Variants in TNFRSF21 observed in about 807,000 individuals in gnomAD.
TNFRSF21 encodes the protein tumor necrosis factor receptor superfamily member 21.
A neutral mutation model predicts 45.6 loss-of-function variants in TNFRSF21; 19 were observed. That is an observed-to-expected ratio of 0.42 (90% CI 0.29 to 0.61). The LOEUF is 0.61. Among genes scored for constraint, TNFRSF21 ranks in the 20% least tolerant of loss-of-function variants. The pLI, the probability that TNFRSF21 is intolerant of heterozygous loss-of-function variation, is 0.23. For missense variants in TNFRSF21, 737 were observed against 851.5 expected (o/e 0.87, Z 1.67); for synonymous variants, 314 against 335.5 (o/e 0.94, Z 0.70).
chr6:47,267,084 T>C (rs560706789), intron 3 of TNFRSF21, among the ~76,000 whole-genome samples: 191 of 95,588 alleles, frequency 2.0e-3, no homozygotes, highest in African/African-American at 4.8e-3. Flanking sequence ...AGTCTGATTT[T>C]CTTTTTTCTT....
intron 4 of TNFRSF21, among the ~76,000 whole-genome samples, chr6:47,244,166 CA>C (rs561992664): frequency 2.6e-5 from 4 of 151,404 alleles, no homozygotes; most frequent in African/African-American, 9.7e-5. Flanking sequence ...CTAAAAAATA[CA>C]AAAAAAATTA....
At chr6:47,238,358 T>C (rs1333829463) in intron 4 of TNFRSF21, among the ~76,000 whole-genome samples, 1 of 152,264 alleles carries the variant, frequency 6.6e-6, no homozygotes, top group Admixed American at 6.5e-5. Flanking sequence ...TATCTGTCAC[T>C]TATTTGAAGC....
intron 3 of TNFRSF21, among the ~76,000 whole-genome samples, chr6:47,267,237 T>A (rs1475757681): frequency 6.6e-6 from 1 of 151,982 alleles, no homozygotes; most frequent in Non-Finnish European, 1.5e-5. Flanking sequence ...TAGCTGGGAC[T>A]ACAGGCACGC....
intron 4 of TNFRSF21, among the ~76,000 whole-genome samples, chr6:47,244,138 G>A (rs899004250): frequency 1.4e-4 from 22 of 152,012 alleles, no homozygotes; most frequent in African/African-American, 3.4e-4. Context: ...TGGCTAACAC[G>A]GTGAAACCCC....
In TNFRSF21 at chr6:47,269,546, C is replaced by T. The variant is rs150272238; in HGVS notation, c.1243+14392G>A. 2.0e-5 allele frequency among the ~76,000 whole-genome samples: 3 copies of T among 152,310 alleles called. No individual in the cohort carries two copies. The East Asian group carries it at 5.8e-4, about 29-fold the overall frequency. The stretch of plus-strand genomic sequence containing the variant: ...CTTCCCTCATTTCAGAATAGGATAG[C>T]ATGTTTACTTCATATAATGTATTTC... On this transcript the variant is annotated intron_variant, in intron 3 of 5. Coordinates refer to ENST00000296861, the MANE Select transcript of TNFRSF21 (RefSeq NM_014452.5).
Position 47,253,432 on chromosome 6 carries a change from C to T in TNFRSF21, c.1333G>A (p.Val445Ile), listed in dbSNP as rs1764933654. The T allele has an allele frequency of 1.2e-6, 2 of 1,614,068 alleles. No homozygotes were observed. Among genetic ancestry groups the T allele is most frequent in the Non-Finnish European group, 1.7e-6 (2 of 1,180,050 alleles). ...QFLCNASERE[V>I]AAFSNGYTAD... Reference sequence around the variant, plus strand: ...GTGTACCCATTGGAGAAAGCAGCAACCTCCCTCTCACTGGCATTGCAAAGA... The same window carrying T: ...GTGTACCCATTGGAGAAAGCAGCAATCTCCCTCTCACTGGCATTGCAAAGA... Residue 445 changes from valine to isoleucine, a missense_variant, in exon 4 of 6, where the codon GTT (valine) becomes ATT (isoleucine). By Grantham distance (29) the Val-to-Ile change is conservative (BLOSUM62 3). Coordinates refer to ENST00000296861, the MANE Select transcript of TNFRSF21 (RefSeq NM_014452.5).
intron 4 of TNFRSF21, among the ~76,000 whole-genome samples, chr6:47,239,151 TG>T (rs1764707920): frequency 6.6e-6 from 1 of 152,092 alleles, no homozygotes; most frequent in Non-Finnish European, 1.5e-5. Context: ...CCGGGCATGG[TG>T]GCACATGCCT....
chr6:47,234,419 G>GAT (rs1764631793), intron 5 of TNFRSF21, among the ~76,000 whole-genome samples: 1 of 152,242 alleles, frequency 6.6e-6, no homozygotes, highest in Non-Finnish European at 1.5e-5. Context: ...GCATCATGAG[G>GAT]ATAAAGGGTG....
chr6:47,274,739 TCAGA>T lies in TNFRSF21; in HGVS notation c.1243+9195_1243+9198del. ...GGAGAAAATTTTTGCAGTCTACCCATCAGACAAAGGGCTAATAACCAGAATCTAC... is the reference window on the plus strand; with the variant it reads ...GGAGAAAATTTTTGCAGTCTACCCATCAAAGGGCTAATAACCAGAATCTAC... On this transcript the variant is annotated intron_variant, in intron 3 of 5. Transcript: ENST00000296861. 2.6e-5 allele frequency among the ~76,000 whole-genome samples: 4 copies of T among 152,142 alleles called. No homozygotes were observed. In the East Asian group the frequency reaches 7.7e-4, roughly 29 times the overall value.
intron 1 of TNFRSF21, among the ~76,000 whole-genome samples, chr6:47,297,135 T>C (rs1410666474): frequency 6.6e-6 from 1 of 152,182 alleles, no homozygotes; most frequent in East Asian, 1.9e-4. Flanking sequence ...GGGCACTCAG[T>C]TGATGTCTGC....
rs2281454 is a variant in TNFRSF21, at chr6:47,236,528, T to C, written c.1510-1630A>G. ...AGGCCTGAGAAATTCTTGCAACTGA[T>C]TGCAGATTGTGAAGATAACTGATTA... On this transcript the variant is annotated intron_variant, in intron 4 of 5. Coordinates refer to ENST00000296861, the MANE Select transcript of TNFRSF21 (RefSeq NM_014452.5). 6.6e-5 allele frequency among the ~76,000 whole-genome samples: 10 copies of C among 152,348 alleles called. No homozygotes were observed. The East Asian group carries it at 1.9e-3, about 29-fold the overall frequency.
At chr6:47,297,301 C>T (rs910305025) in intron 1 of TNFRSF21, among the ~76,000 whole-genome samples, 1 of 152,064 alleles carries the variant, frequency 6.6e-6, no homozygotes, top group African/African-American at 2.4e-5. Context: ...ATTAGCAATA[C>T]CTACTCTTCA....
chr6:47,303,445 C>A (rs538085989), intron 1 of TNFRSF21, among the ~76,000 whole-genome samples: 1 of 152,282 alleles, frequency 6.6e-6, no homozygotes, highest in African/African-American at 2.4e-5. Context: ...TCTCTCTGAG[C>A]GCAACTTTCC....
intron 3 of TNFRSF21, among the ~76,000 whole-genome samples, chr6:47,256,987 G>C (rs747556062): frequency 6.6e-6 from 1 of 151,988 alleles, no homozygotes; most frequent in African/African-American, 2.4e-5. Context: ...AACTCACTAG[G>C]GTCACTGCGG....
chr6:47,234,773 C>T lies in TNFRSF21; in HGVS notation c.1635G>A (p.Lys545=). Residue 545 remains lysine, a synonymous_variant, in exon 5 of 6, where the codon AAG becomes AAA. Transcript: ENST00000296861. ...LLTVEPSPQD[K]NKGFFVDESE... Reference sequence around the variant, plus strand: ...ACTCATCCACGAAGAAGCCCTTGTTCTTGTCCTGTGGGGAAGGCTCCACCG... The same window carrying T: ...ACTCATCCACGAAGAAGCCCTTGTTTTTGTCCTGTGGGGAAGGCTCCACCG... The T allele has an allele frequency of 1.9e-6, 3 of 1,604,656 alleles. No individual in the cohort carries two copies. The Admixed American group carries it at 5.2e-5, about 28-fold the overall frequency.
chr6:47,239,413 C>G (rs1278136456), intron 4 of TNFRSF21, among the ~76,000 whole-genome samples: 1 of 151,870 alleles, frequency 6.6e-6, no homozygotes, highest in Non-Finnish European at 1.5e-5. Context: ...GTGGAGGTTG[C>G]AGTATTCCCC....
In TNFRSF21 at chr6:47,234,659, G is replaced by A. The variant is rs1258595052; in HGVS notation, c.1738+11C>T. ...TAAGTGCGTGTGTGAGGTCTGCTGC[G>A]ATGCCCGTACCTTTGGTAATAAAGG... On this transcript the variant is annotated intron_variant, in intron 5 of 5. Coordinates refer to ENST00000296861, the MANE Select transcript of TNFRSF21 (RefSeq NM_014452.5). The A allele has an allele frequency of 2.5e-6, 4 of 1,597,260 alleles. No homozygotes were observed. Among genetic ancestry groups the A allele is most frequent in the Admixed American group, 1.7e-5 (1 of 58,306 alleles).
intron 4 of TNFRSF21, among the ~76,000 whole-genome samples, chr6:47,236,809 C>G (rs1484321615): frequency 6.6e-6 from 1 of 152,198 alleles, no homozygotes; most frequent in East Asian, 1.9e-4. Context: ...ACTAAGAACA[C>G]TTGTCTACAT....
chr6:47,298,904 ATGGTGACTTAGT>A (rs1463319618), intron 1 of TNFRSF21, among the ~76,000 whole-genome samples: 1 of 152,210 alleles, frequency 6.6e-6, no homozygotes, highest in Non-Finnish European at 1.5e-5. Context: ...GCTGCCAGAA[ATGGTGACTTAGT>A]TGAACCTAGC....
Sources: gnomAD v4.1 joint callset for allele counts (sites outside exome capture counted in the v4.1 genomes callset) on GRCh38, gnomAD v4.1.1 for gene constraint, MANE v1.5 for transcripts, NCBI Gene and HGNC (gene_info 2026-07-23, HGNC 2026-07-21) for gene names.